The following AP3B1 variants were observed in gnomAD, a reference collection of about 807,000 sequenced individuals.
AP3B1 encodes AP-3 complex subunit beta-1.
A neutral mutation model predicts 132.5 loss-of-function variants in AP3B1; 61 were observed. The ratio of observed to expected loss-of-function variants is 0.46; its 90% CI spans 0.37 to 0.57. AP3B1 has a LOEUF of 0.57. AP3B1 is among the 20% of genes least tolerant of loss of function. The pLI is 0.00. For synonymous variants in AP3B1, 388 were observed against 438.3 expected (o/e 0.89, Z 1.43); for missense variants, 1,120 against 1,289.4 (o/e 0.87, Z 2.01).
chr5:78,184,686 C>CAAAAAAAAAAAAAAAAAAAAAAAA (rs772722596), intron 7 of AP3B1, among the ~76,000 whole-genome samples: 19 of 110,532 alleles, frequency 1.7e-4, no homozygotes, highest in Admixed American at 3.7e-4. Flanking sequence ...GACACTGTCT[C>CAAAAAAAAAAAAAAAAAAAAAAAA]AAAAAAAAAA....
chr5:78,082,016 A>C (rs1750032214), intron 22 of AP3B1, among the ~76,000 whole-genome samples: 1 of 152,188 alleles, frequency 6.6e-6, no homozygotes, highest in South Asian at 2.1e-4. Context: ...TGGGCAGACT[A>C]AGCAATAATC....
chr5:78,023,460 A>G (rs766631565), intron 24 of AP3B1, among the ~76,000 whole-genome samples: 14 of 152,154 alleles, frequency 9.2e-5, no homozygotes, highest in Non-Finnish European at 2.1e-4. Context: ...AAGAAAAGAA[A>G]AGAAAAGAAA....
At chr5:78,144,315 C>G (rs999371355) in intron 14 of AP3B1, among the ~76,000 whole-genome samples, 2 of 152,178 alleles carry the variant, frequency 1.3e-5, no homozygotes, top group Non-Finnish European at 2.9e-5. Flanking sequence ...GCCACCACAA[C>G]CCATTAATTT....
intron 22 of AP3B1, among the ~76,000 whole-genome samples, chr5:78,076,141 C>G (rs1302851866): frequency 6.6e-6 from 1 of 152,186 alleles, no homozygotes; most frequent in Non-Finnish European, 1.5e-5. Context: ...ATAAAGACAA[C>G]TTGTATCTAC....
At chr5:78,149,207 A>G (rs1753542442) in intron 14 of AP3B1, among the ~76,000 whole-genome samples, 1 of 152,202 alleles carries the variant, frequency 6.6e-6, no homozygotes, top group South Asian at 2.1e-4. Context: ...AATATTTGTT[A>G]AATAAAGTGA....
chr5:78,108,020 C>G (rs1306370628), intron 20 of AP3B1, among the ~76,000 whole-genome samples: 1 of 152,122 alleles, frequency 6.6e-6, no homozygotes, highest in Admixed American at 6.5e-5. Context: ...TATTCTCTCC[C>G]AACAAGTAGA....
At chr5:78,164,102 C>T (rs962118798) in intron 12 of AP3B1, among the ~76,000 whole-genome samples, 2 of 152,038 alleles carry the variant, frequency 1.3e-5, no homozygotes, top group Admixed American at 1.3e-4. Flanking sequence ...TCCATGAAGG[C>T]AAGACCAATT....
chr5:78,030,272 G>C (rs1362804780), intron 24 of AP3B1, among the ~76,000 whole-genome samples: 1 of 151,938 alleles, frequency 6.6e-6, no homozygotes, highest in Non-Finnish European at 1.5e-5. Flanking sequence ...TGAGTAGCTG[G>C]GACTACAGGC....
intron 22 of AP3B1, among the ~76,000 whole-genome samples, chr5:78,051,077 TGA>T (rs1748559926): frequency 6.6e-6 from 1 of 152,184 alleles, no homozygotes; most frequent in Non-Finnish European, 1.5e-5. Flanking sequence ...GAAATCTATG[TGA>T]CTCATGATGC....
chr5:78,123,093 G>A (rs1311946983), intron 17 of AP3B1, among the ~76,000 whole-genome samples: 1 of 152,152 alleles, frequency 6.6e-6, no homozygotes, highest in Non-Finnish European at 1.5e-5. Flanking sequence ...ACAAGCAACG[G>A]GGAAAGGATT....
chr5:78,185,167 G>C (rs1029108007), intron 7 of AP3B1, among the ~76,000 whole-genome samples: 3 of 152,126 alleles, frequency 2.0e-5, no homozygotes, highest in Non-Finnish European at 4.4e-5. Context: ...AGATAAAGGG[G>C]AACTAGAGTA....
intron 22 of AP3B1, among the ~76,000 whole-genome samples, chr5:78,080,953 T>C (rs958376032): frequency 3.9e-5 from 6 of 152,092 alleles, no homozygotes; most frequent in Non-Finnish European, 7.4e-5. Flanking sequence ...CCTGATGAAG[T>C]ATCAGGTAAG....
chr5:78,131,629 C>G (rs762893847), intron 15 of AP3B1, among the ~76,000 whole-genome samples: 7 of 151,572 alleles, frequency 4.6e-5, no homozygotes, highest in Non-Finnish European at 7.4e-5. Flanking sequence ...TTCTCAATTT[C>G]ATTTCATTCT....
At chr5:78,120,125 C>T (rs974031820) in intron 17 of AP3B1, among the ~76,000 whole-genome samples, 2 of 152,244 alleles carry the variant, frequency 1.3e-5, no homozygotes, top group South Asian at 2.1e-4. Context: ...AAATACTTTA[C>T]AGACAAGCAA....
At position 78,008,759 on chromosome 5, in the gene AP3B1, C is replaced by T. The variant is rs528576133; in HGVS notation, c.3132-5704G>A. Reference sequence around the variant, plus strand: ...GTTGACAGTAGTATCAGGGCTTATACAATTAGGGCAACAAGATGTCCAATG... The same window carrying T: ...GTTGACAGTAGTATCAGGGCTTATATAATTAGGGCAACAAGATGTCCAATG... On this transcript the variant is annotated intron_variant, in intron 26 of 26. Transcript: ENST00000255194. Among the ~76,000 whole-genome samples the T allele has an allele frequency of 2.1e-4, 32 of 152,230 alleles. No homozygotes were observed. In the South Asian group the frequency reaches 6.2e-3, roughly 30 times the overall value.
At chr5:78,232,196 A>T (rs942473059) in intron 3 of AP3B1, among the ~76,000 whole-genome samples, 23 of 152,258 alleles carry the variant, frequency 1.5e-4, no homozygotes, top group Non-Finnish European at 2.8e-4. Flanking sequence ...TTCTTTAATT[A>T]TAAAAAGATT....
chr5:78,065,250 C>A (rs893025310), intron 22 of AP3B1, among the ~76,000 whole-genome samples: 2 of 152,208 alleles, frequency 1.3e-5, no homozygotes, highest in Non-Finnish European at 2.9e-5. Flanking sequence ...CCAAGCACAG[C>A]TGTGCAGACT....
chr5:78,136,937 A>T (rs1752942247), intron 15 of AP3B1, among the ~76,000 whole-genome samples: 2 of 152,174 alleles, frequency 1.3e-5, no homozygotes, highest in Admixed American at 6.5e-5. Context: ...TGGATAGGTT[A>T]TATGATTTGT....
At chr5:78,277,187 A>G (rs973354990) in intron 1 of AP3B1, among the ~76,000 whole-genome samples, 9 of 152,236 alleles carry the variant, frequency 5.9e-5, no homozygotes, top group Non-Finnish European at 8.8e-5. Flanking sequence ...CAGAACTAAA[A>G]GCTGATGTCT....
Sources: gnomAD v4.1 joint callset for allele counts (sites outside exome capture counted in the v4.1 genomes callset) on GRCh38, gnomAD v4.1.1 for gene constraint, MANE v1.5 for transcripts, NCBI Gene and HGNC (gene_info 2026-07-23, HGNC 2026-07-21) for gene names.